The following GSK3B variants were observed in gnomAD, a reference collection of about 807,000 sequenced individuals.
GSK3B encodes glycogen synthase kinase-3 beta.
GSK3B carries 15 observed loss-of-function variants against 56.4 expected under a neutral mutation model. The ratio of observed to expected loss-of-function variants is 0.27; its 90% confidence interval spans 0.18 to 0.41. GSK3B has a LOEUF of 0.41. Among genes scored for constraint, GSK3B ranks in the 10% least tolerant of loss-of-function variants. GSK3B has a pLI of 1.00. For missense variants in GSK3B, 300 were observed against 513.4 expected (o/e 0.58, Z 4.02); for synonymous variants, 181 against 188.9 (o/e 0.96, Z 0.34).
chr3:120,062,128 G>C (rs1430264735), intron 1 of GSK3B, among the ~76,000 whole-genome samples: 2 of 152,122 alleles, frequency 1.3e-5, no homozygotes, highest in African/African-American at 4.8e-5. Flanking sequence ...GGGGAACACA[G>C]AGTATAATTT....
intron 2 of GSK3B, among the ~76,000 whole-genome samples, chr3:119,951,528 G>C (rs574400537): frequency 8.0e-4 from 122 of 152,306 alleles, no homozygotes; most frequent in Middle Eastern, 3.4e-3. Flanking sequence ...CTGAGATCAT[G>C]CCAGTGCACT....
chr3:120,009,105 A>G (rs1374670658), intron 1 of GSK3B, among the ~76,000 whole-genome samples: 2 of 152,260 alleles, frequency 1.3e-5, no homozygotes. Context: ...ACTGGTTATT[A>G]GAGAAATGCA....
At chr3:120,029,310 A>G in intron 1 of GSK3B, 2 of 742,818 alleles carry the variant, frequency 2.7e-6, no homozygotes, top group Non-Finnish European at 5.0e-6. Flanking sequence ...GCAGCGGACA[A>G]TGATCAGATA....
intron 7 of GSK3B, 85 bp from the exon 8 acceptor site, chr3:119,876,593 A>C (rs2056316604): frequency 5.3e-6 from 4 of 756,570 alleles, no homozygotes; most frequent in South Asian, 3.0e-5. Flanking sequence ...ATTCACTGAA[A>C]AAAGGAATTC....
At chr3:119,853,075 T>C (rs575317405) in intron 9 of GSK3B, among the ~76,000 whole-genome samples, 8 of 152,250 alleles carry the variant, frequency 5.3e-5, no homozygotes, top group Non-Finnish European at 1.0e-4. Context: ...TTTAAGTCTT[T>C]AATCCATCTT....
chr3:120,085,754 C>T (rs1438834532), intron 1 of GSK3B, among the ~76,000 whole-genome samples: 1 of 151,624 alleles, frequency 6.6e-6, no homozygotes, highest in Admixed American at 6.6e-5. Flanking sequence ...TGCAGTGAGC[C>T]AAGATTGTGC....
rs536991928 is a variant in GSK3B, at chr3:120,001,570, T to C, written c.282+476A>G. 3.3e-5 allele frequency among the ~76,000 whole-genome samples: 5 copies of C among 152,322 alleles called. No individual in the cohort carries two copies. The South Asian group carries it at 6.2e-4, about 19-fold the overall frequency. On this transcript the variant is annotated intron_variant, in intron 2 of 10. Coordinates refer to ENST00000264235, the MANE Select transcript of GSK3B (RefSeq NM_001146156.2). ...GAATTGTGAGCCAATTAAACCTCTT[T>C]TCTTTATAAATTACTCAATATCAGG...
chr3:119,858,041 C>T (rs142754759), intron 9 of GSK3B, among the ~76,000 whole-genome samples: 26 of 152,302 alleles, frequency 1.7e-4, no homozygotes, highest in Admixed American at 9.2e-4. Flanking sequence ...CAGTAAACCA[C>T]GCTGTAAACA....
At chr3:119,985,893 A>C (rs1266469744) in intron 2 of GSK3B, among the ~76,000 whole-genome samples, 1 of 152,216 alleles carries the variant, frequency 6.6e-6, no homozygotes, top group Non-Finnish European at 1.5e-5. Flanking sequence ...CCTAAGCAAA[A>C]AGAACAAAGC....
At chr3:120,067,088 G>A (rs1382374838) in intron 1 of GSK3B, among the ~76,000 whole-genome samples, 1 of 151,974 alleles carries the variant, frequency 6.6e-6, no homozygotes, top group African/African-American at 2.4e-5. Flanking sequence ...AGCTGTCCTG[G>A]GCCACATGTG....
intron 2 of GSK3B, among the ~76,000 whole-genome samples, chr3:119,991,176 G>A (rs913212624): frequency 6.6e-6 from 1 of 152,106 alleles, no homozygotes; most frequent in Admixed American, 6.6e-5. Flanking sequence ...AAACCATAAG[G>A]AGGTTTGGGA....
chr3:119,892,701 T>C (rs984882774), intron 7 of GSK3B, among the ~76,000 whole-genome samples: 1 of 152,128 alleles, frequency 6.6e-6, no homozygotes, highest in East Asian at 1.9e-4. Context: ...TAAAGGGATG[T>C]ATGGCTAGGC....
At chr3:119,861,786 CGTAAGCACACTCTG>C (rs2056106772) in intron 9 of GSK3B, among the ~76,000 whole-genome samples, 1 of 152,080 alleles carries the variant, frequency 6.6e-6, no homozygotes, top group Non-Finnish European at 1.5e-5. Context: ...ACTTAGTATG[CGTAAGCACACTCTG>C]TAACGTCTGC....
At chr3:120,051,127 C>CTT (rs72305100) in intron 1 of GSK3B, among the ~76,000 whole-genome samples, 3 of 138,676 alleles carry the variant, frequency 2.2e-5, no homozygotes, top group Non-Finnish European at 4.7e-5. Context: ...CTATCAATTT[C>CTT]TTTTTTTTTT....
intron 4 of GSK3B, among the ~76,000 whole-genome samples, chr3:119,918,097 A>C (rs542912650): frequency 6.6e-6 from 1 of 152,306 alleles, no homozygotes; most frequent in East Asian, 1.9e-4. Context: ...TAGTGGTTTG[A>C]GTAAGTGCTT....
chr3:119,972,570 G>A (rs1401636237), intron 2 of GSK3B, among the ~76,000 whole-genome samples: 1 of 152,076 alleles, frequency 6.6e-6, no homozygotes, highest in South Asian at 2.1e-4. Context: ...CGAGTAGCTG[G>A]GACTACAGGT....
At chr3:119,873,005 T>C (rs988435063) in intron 8 of GSK3B, among the ~76,000 whole-genome samples, 27 of 152,148 alleles carry the variant, frequency 1.8e-4, no homozygotes, top group African/African-American at 5.5e-4. Context: ...TGTGTTTTTC[T>C]TCTTTGCAGT....
intron 1 of GSK3B, among the ~76,000 whole-genome samples, chr3:120,049,862 T>C (rs1018842456): frequency 6.6e-6 from 1 of 152,200 alleles, no homozygotes; most frequent in Non-Finnish European, 1.5e-5. Flanking sequence ...TCTGCCTTCG[T>C]AGCATAAAAA....
intron 7 of GSK3B, among the ~76,000 whole-genome samples, chr3:119,884,396 A>G (rs2056412177): frequency 6.6e-6 from 1 of 152,154 alleles, no homozygotes; most frequent in Non-Finnish European, 1.5e-5. Context: ...CCAGTGAGAG[A>G]GAGAGGAGAG....
Sources: allele counts gnomAD v4.1 joint callset (sites outside exome capture counted in the v4.1 genomes callset), GRCh38; gene constraint gnomAD v4.1.1; transcripts MANE v1.5; gene names NCBI Gene and HGNC (gene_info 2026-07-23, HGNC 2026-07-21).